The following MOB3B variants were observed in gnomAD, a reference collection of about 807,000 sequenced individuals.
MOB3B encodes the protein MOB kinase activator 3B.
Under a neutral mutation model 18.7 loss-of-function variants are expected in MOB3B, and 7 were observed. That is an observed-to-expected ratio of 0.37 (90% CI 0.21 to 0.70). The LOEUF (loss-of-function observed/expected upper bound fraction) is 0.70. Ranked by LOEUF, MOB3B falls within the 30% of genes least tolerant of loss-of-function variation. The pLI is 0.52. For missense variants in MOB3B, 253 were observed against 281.3 expected (o/e 0.90, Z 0.72); for synonymous variants, 111 against 99.9 (o/e 1.11, Z -0.66).
chr9:27,382,052 C>T (rs1821586754), intron 2 of MOB3B, among the ~76,000 whole-genome samples: 1 of 152,162 alleles, frequency 6.6e-6, no homozygotes, highest in East Asian at 1.9e-4. Flanking sequence ...CTGACATCCC[C>T]TCAGTCTGCT....
At chr9:27,412,612 A>G (rs144905513) in intron 2 of MOB3B, among the ~76,000 whole-genome samples, 4 of 152,272 alleles carry the variant, frequency 2.6e-5, no homozygotes, top group African/African-American at 7.2e-5. Context: ...ATTTTTCCCA[A>G]AGCAAGTCTT....
rs967912696 is a variant in MOB3B at position 27,326,880 on chromosome 9, T to C, written c.*3707A>G. ...GTATCTGTTTATGTACTTGTGATCCTTTGGAGGGTCACAACTCACTGTACT... is the reference window on the plus strand; with the variant it reads ...GTATCTGTTTATGTACTTGTGATCCCTTGGAGGGTCACAACTCACTGTACT... On this transcript the variant is annotated 3_prime_UTR_variant, in exon 4 of 4. Transcript: ENST00000262244. 5 of 261,716 alleles carry C rather than the reference T, an allele frequency of 1.9e-5. No individual in the cohort carries two copies. The highest frequency in any genetic ancestry group is 3.6e-5 in the Non-Finnish European group (5 of 140,164). The allele number at this position is 261,716 out of a possible 1,614,324, so 16.2% of individuals were successfully genotyped here.
intron 1 of MOB3B, among the ~76,000 whole-genome samples, chr9:27,517,778 T>A (rs1820260500): frequency 6.6e-6 from 1 of 151,734 alleles, no homozygotes; most frequent in South Asian, 2.1e-4. Flanking sequence ...ATTTATTGAG[T>A]GTACGCTGTG....
chr9:27,511,647 G>T (rs561245832), intron 1 of MOB3B, among the ~76,000 whole-genome samples: 2 of 152,198 alleles, frequency 1.3e-5, no homozygotes, highest in South Asian at 4.2e-4. Flanking sequence ...GCCTTGAAAA[G>T]AATTTAAATC....
intron 1 of MOB3B, among the ~76,000 whole-genome samples, chr9:27,528,318 C>A (rs1341144497): frequency 6.6e-6 from 1 of 152,254 alleles, no homozygotes; most frequent in Non-Finnish European, 1.5e-5. Flanking sequence ...AGCCCCAACG[C>A]CTTTGGCTAG....
chr9:27,430,279 C>T (rs569821246), intron 2 of MOB3B, among the ~76,000 whole-genome samples: 51 of 152,230 alleles, frequency 3.4e-4, no homozygotes, highest in East Asian at 1.9e-4. Flanking sequence ...TGGTGCTCTC[C>T]GGCAGCCTCT....
At chr9:27,483,780 T>C (rs1819697576) in intron 1 of MOB3B, among the ~76,000 whole-genome samples, 2 of 152,148 alleles carry the variant, frequency 1.3e-5, no homozygotes, top group South Asian at 4.1e-4. Flanking sequence ...TGGTCCCATG[T>C]ACAGCAGGAG....
At chr9:27,360,089 T>G (rs1167413838) in intron 2 of MOB3B, among the ~76,000 whole-genome samples, 1 of 152,232 alleles carries the variant, frequency 6.6e-6, no homozygotes, top group Admixed American at 6.5e-5. Flanking sequence ...AAGGTCTTCC[T>G]TAAATGGCTG....
intron 1 of MOB3B, among the ~76,000 whole-genome samples, chr9:27,473,329 G>C (rs561520932): frequency 3.3e-5 from 5 of 152,170 alleles, no homozygotes; most frequent in African/African-American, 7.2e-5. Flanking sequence ...GGAGGCAAAG[G>C]GGGAGGGTGG....
At chr9:27,398,560 A>G (rs927503521) in intron 2 of MOB3B, among the ~76,000 whole-genome samples, 4 of 152,138 alleles carry the variant, frequency 2.6e-5, no homozygotes, top group Admixed American at 2.6e-4. Flanking sequence ...CTTCATGGAG[A>G]ATCTCAAACC....
rs772235630 is a variant in MOB3B, at chr9:27,359,016, T to A, written c.621+18A>T. ...TCCTGGGGTGACTTGGATACCATTA[T>A]TTCATGGTGTCACTTACCAAAGGCT... On this transcript the variant is annotated intron_variant, in intron 3 of 3. Transcript: ENST00000262244. 6.2e-7 allele frequency: 1 copy of A among 1,610,502 alleles called. No individual in the cohort carries two copies. Among genetic ancestry groups the A allele is most frequent in the Non-Finnish European group, 8.5e-7 (1 of 1,176,814 alleles).
At chr9:27,444,084 G>A (rs553502720) in intron 2 of MOB3B, among the ~76,000 whole-genome samples, 23 of 151,476 alleles carry the variant, frequency 1.5e-4, no homozygotes, top group African/African-American at 5.6e-4. Context: ...CCAGTAAATG[G>A]AAACCTCTGC....
chr9:27,441,566 G>A (rs1431443930), intron 2 of MOB3B, among the ~76,000 whole-genome samples: 2 of 152,138 alleles, frequency 1.3e-5, no homozygotes, highest in Non-Finnish European at 2.9e-5. Flanking sequence ...ACAAAGGGAA[G>A]GTTCTTGTCC....
chr9:27,517,647 CAAAAAAAA>C (rs756559270), intron 1 of MOB3B, among the ~76,000 whole-genome samples: 17 of 54,272 alleles, frequency 3.1e-4, no homozygotes, highest in East Asian at 6.8e-4. Flanking sequence ...GACTCTGTCT[CAAAAAAAA>C]AAAAAAAAAA....
intron 2 of MOB3B, among the ~76,000 whole-genome samples, chr9:27,407,575 C>T (rs550007688): frequency 6.6e-6 from 1 of 152,118 alleles, no homozygotes; most frequent in Non-Finnish European, 1.5e-5. Context: ...GGCCTTCCTT[C>T]CTCTCTTCTT....
intron 2 of MOB3B, among the ~76,000 whole-genome samples, chr9:27,409,035 C>T (rs780967862): frequency 1.3e-5 from 2 of 152,230 alleles, no homozygotes; most frequent in Non-Finnish European, 1.5e-5. Flanking sequence ...GGTGGTATTG[C>T]ATATAATCCT....
chr9:27,455,514 T>C lies in MOB3B; in HGVS notation c.37A>G (p.Lys13Glu). 2 of 1,614,206 alleles carry C rather than the reference T, an allele frequency of 1.2e-6. No individual in the cohort carries two copies. The highest frequency in any genetic ancestry group is 1.7e-6 in the Non-Finnish European group (2 of 1,180,022). ...IALKQVFNKD[K>E]TFRPKRKFEP... ...AATTTCCTCTTGGGTCGGAAGGTCTTGTCCTTGTTGAATACCTGCTTCAGG... is the reference window on the plus strand; with the variant it reads ...AATTTCCTCTTGGGTCGGAAGGTCTCGTCCTTGTTGAATACCTGCTTCAGG... The change falls in exon 2 of 4, where the codon AAG (lysine) becomes GAG (glutamate). Residue 13 changes from lysine to glutamate, a missense_variant. Coordinates refer to ENST00000262244, the MANE Select transcript of MOB3B (RefSeq NM_024761.5).
At chr9:27,404,315 TTTTC>T (rs200137447) in intron 2 of MOB3B, among the ~76,000 whole-genome samples, 1,803 of 149,516 alleles carry the variant, frequency 0.012, 28 homozygotes, top group East Asian at 0.072. Flanking sequence ...ATAAACCACA[TTTTC>T]TTTCTTTCTT....
At chr9:27,422,337 T>C (rs1357760073) in intron 2 of MOB3B, among the ~76,000 whole-genome samples, 1 of 152,226 alleles carries the variant, frequency 6.6e-6, no homozygotes, top group African/African-American at 2.4e-5. Flanking sequence ...AAATGCATAG[T>C]TCAGTCCAAC....
Sources: allele counts gnomAD v4.1 joint callset (sites outside exome capture counted in the v4.1 genomes callset), GRCh38; gene constraint gnomAD v4.1.1; transcripts MANE v1.5; gene names NCBI Gene and HGNC (gene_info 2026-07-23, HGNC 2026-07-21).